The following TMEM178B variants were observed in gnomAD, a reference collection of about 807,000 sequenced individuals.
TMEM178B encodes transmembrane protein 178B.
In TMEM178B, 5 loss-of-function variants were observed where a neutral mutation model predicts 31.0. The observed-to-expected ratio is 0.16, with a 90% CI of 0.08 to 0.34. TMEM178B has a LOEUF of 0.34. Ranked by LOEUF, TMEM178B falls within the 10% of genes least tolerant of loss-of-function variation. TMEM178B has a pLI of 1.00. For missense variants in TMEM178B, 275 were observed against 400.3 expected, an observed-to-expected ratio of 0.69 and a Z score of 2.67; for synonymous variants, 164 against 164.0, an observed-to-expected ratio of 1.00 and a Z score of 0.00.
At chr7:141,300,156 C>T (rs759597236) in intron 2 of TMEM178B, among the ~76,000 whole-genome samples, 3 of 152,136 alleles carry the variant, frequency 2.0e-5, no homozygotes, top group African/African-American at 4.8e-5. Context: ...CACATTTGTT[C>T]GTGGAGCCAT....
At chr7:141,366,422 CTGACT>C (rs1181220443) in intron 2 of TMEM178B, among the ~76,000 whole-genome samples, 1 of 152,218 alleles carries the variant, frequency 6.6e-6, no homozygotes, top group Non-Finnish European at 1.5e-5. Context: ...TGCTGACTCC[CTGACT>C]TGGTTGCCTG....
intron 2 of TMEM178B, among the ~76,000 whole-genome samples, chr7:141,388,650 C>T (rs2116600252): frequency 6.6e-6 from 1 of 152,278 alleles, no homozygotes; most frequent in South Asian, 2.1e-4. Context: ...GTAATAACTA[C>T]TCCGGGTTGG....
chr7:141,135,775 A>G (rs893895319), intron 1 of TMEM178B, among the ~76,000 whole-genome samples: 3 of 152,118 alleles, frequency 2.0e-5, no homozygotes, highest in African/African-American at 7.2e-5. Context: ...CCTATATCGA[A>G]AAAGTGGAAT....
intron 2 of TMEM178B, among the ~76,000 whole-genome samples, chr7:141,420,017 C>T (rs1270986338): frequency 6.6e-6 from 1 of 152,214 alleles, no homozygotes; most frequent in Admixed American, 6.5e-5. Context: ...CTGGAATACT[C>T]TTCCCCCAGA....
At chr7:141,427,102 G>T (rs971548946) in intron 2 of TMEM178B, among the ~76,000 whole-genome samples, 2 of 152,112 alleles carry the variant, frequency 1.3e-5, no homozygotes, top group African/African-American at 4.8e-5. Context: ...TTCATGGATT[G>T]GAATAATTTA....
At chr7:141,215,136 G>C (rs1797110421) in intron 2 of TMEM178B, among the ~76,000 whole-genome samples, 1 of 152,082 alleles carries the variant, frequency 6.6e-6, no homozygotes, top group African/African-American at 2.4e-5. Context: ...ATGACATTAG[G>C]TGGGAAGTAG....
intron 1 of TMEM178B, among the ~76,000 whole-genome samples, chr7:141,078,653 T>G (rs1461473352): frequency 2.0e-5 from 3 of 151,884 alleles, no homozygotes; most frequent in Non-Finnish European, 4.4e-5. Context: ...AAAGTGATGG[T>G]GGATTGTGTC....
intron 2 of TMEM178B, among the ~76,000 whole-genome samples, chr7:141,361,246 A>G (rs1459165305): frequency 6.6e-6 from 1 of 152,146 alleles, no homozygotes; most frequent in African/African-American, 2.4e-5. Flanking sequence ...AGCAAGTATC[A>G]CAGGGCCATT....
intron 1 of TMEM178B, among the ~76,000 whole-genome samples, chr7:141,134,306 A>G (rs945115751): frequency 7.2e-5 from 11 of 152,200 alleles, no homozygotes; most frequent in Non-Finnish European, 1.3e-4. Flanking sequence ...AAGGGGGGAA[A>G]AAAAAGAAAA....
At chr7:141,412,366 A>G (rs1336721281) in intron 2 of TMEM178B, among the ~76,000 whole-genome samples, 1 of 152,074 alleles carries the variant, frequency 6.6e-6, no homozygotes, top group Non-Finnish European at 1.5e-5. Context: ...TTCTGATTCA[A>G]CCTCATCCAG....
the TMEM178B span, among the ~76,000 whole-genome samples, chr7:141,506,571 C>T: frequency 2.6e-5 from 4 of 152,186 alleles, no homozygotes; most frequent in African/African-American, 7.2e-5. Flanking sequence ...ACCTCCCTCT[C>T]GATCCCTCCT....
chr7:141,244,423 T>C (rs577924540), intron 2 of TMEM178B, among the ~76,000 whole-genome samples: 1 of 152,314 alleles, frequency 6.6e-6, no homozygotes, highest in Non-Finnish European at 1.5e-5. Context: ...GAAAGGAAGA[T>C]GACATTTTGA....
intron 1 of TMEM178B, among the ~76,000 whole-genome samples, chr7:141,141,952 CA>C (rs1314082116): frequency 6.6e-6 from 1 of 152,142 alleles, no homozygotes; most frequent in African/African-American, 2.4e-5. Context: ...ATTTTAGATT[CA>C]GGGGGTACAT....
Position 141,074,390 on chromosome 7 carries a change from G to C in TMEM178B, c.80G>C (p.Cys27Ser). The C allele has an allele frequency of 6.5e-7, 1 of 1,536,168 alleles. No homozygotes were observed. Among genetic ancestry groups the C allele is most frequent in the East Asian group, 2.4e-5 (1 of 40,908 alleles). ...CALGMLAVAI[C>S]SDHWYETDAR... ...CTCGGCATGCTGGCCGTGGCCATCT[G>C]CTCGGACCACTGGTACGAGACGGAC... Residue 27 changes from cysteine to serine, a missense_variant, in exon 1 of 4, where the codon TGC becomes TCC. Transcript: ENST00000565468. The surrounding 1 kb of genome is among the most constrained non-coding windows in gnomAD (Gnocchi z 5.1).
chr7:141,102,817 A>G (rs1795080565), intron 1 of TMEM178B, among the ~76,000 whole-genome samples: 1 of 152,212 alleles, frequency 6.6e-6, no homozygotes, highest in Non-Finnish European at 1.5e-5. Flanking sequence ...ATTTCCACTG[A>G]TCATGGTTCC....
chr7:141,270,559 C>T (rs1430270700), intron 2 of TMEM178B, among the ~76,000 whole-genome samples: 1 of 152,164 alleles, frequency 6.6e-6, no homozygotes, highest in Admixed American at 6.5e-5. Context: ...TGTTTCACTA[C>T]CTTGAATGAT....
At chr7:141,292,216 A>T (rs1563143043) in intron 2 of TMEM178B, among the ~76,000 whole-genome samples, 1 of 152,170 alleles carries the variant, frequency 6.6e-6, no homozygotes, top group Non-Finnish European at 1.5e-5. Context: ...TATTTGGAAG[A>T]TTCAGAATAT....
rs528436507 is a variant in TMEM178B, at chr7:141,319,576, G to A, written c.496+106872G>A. Among the ~76,000 whole-genome samples the A allele has an allele frequency of 6.6e-5, 10 of 151,824 alleles. No homozygotes were observed. The East Asian group carries it at 1.5e-3, about 23-fold the overall frequency. ...TTCTTTCTTTCTTTTTTTTTGAGAC[G>A]GAGTCTCACTCTATTGCCCAGGCTG... On this transcript the variant is annotated intron_variant, in intron 2 of 3. Transcript: ENST00000565468.
At chr7:141,417,018 T>C (rs1801111866) in intron 2 of TMEM178B, among the ~76,000 whole-genome samples, 1 of 152,202 alleles carries the variant, frequency 6.6e-6, no homozygotes, top group Admixed American at 6.6e-5. Context: ...GACATCACTT[T>C]TGAACAAAAC....
Sources: gnomAD v4.1 joint callset for allele counts (sites outside exome capture counted in the v4.1 genomes callset) on GRCh38, gnomAD v4.1.1 for gene constraint, Gnocchi (gnomAD v3.1) non-coding constraint, MANE v1.5 for transcripts, NCBI Gene and HGNC (gene_info 2026-07-23, HGNC 2026-07-21) for gene names.